KCTD8: variants seen among roughly 807,000 people sequenced by gnomAD.
KCTD8 encodes the protein BTB/POZ domain-containing protein KCTD8.
A neutral mutation model predicts 31.5 loss-of-function variants in KCTD8; 27 were observed. That is an observed-to-expected ratio of 0.86 (90% CI 0.63 to 1.18). The LOEUF (loss-of-function observed/expected upper bound fraction) is 1.18. Among genes scored for constraint, KCTD8 ranks in the 50% most tolerant of loss-of-function variants. KCTD8 has a pLI of 0.00. For missense variants in KCTD8, 658 were observed against 647.7 expected (o/e 1.02, Z -0.17); for synonymous variants, 290 against 280.0 (o/e 1.04, Z -0.36).
intron 1 of KCTD8, among the ~76,000 whole-genome samples, chr4:44,421,098 G>C (rs1721198329): frequency 6.6e-6 from 1 of 152,092 alleles, no homozygotes; most frequent in African/African-American, 2.4e-5. Context: ...AACAGCATAA[G>C]TGGGTTTTTC....
intron 1 of KCTD8, among the ~76,000 whole-genome samples, chr4:44,268,071 C>G (rs1716446900): frequency 6.6e-6 from 1 of 152,170 alleles, no homozygotes; most frequent in African/African-American, 2.4e-5. Context: ...GATTCCAAAG[C>G]CTGGCAGAGA....
chr4:44,182,916 C>T (rs908318420), intron 1 of KCTD8, among the ~76,000 whole-genome samples: 1 of 152,200 alleles, frequency 6.6e-6, no homozygotes, highest in Non-Finnish European at 1.5e-5. Context: ...AATTACCTAA[C>T]ATATATATTA....
At position 44,417,532 on chromosome 4, in the gene KCTD8, A is replaced by C. The variant is rs551897074; in HGVS notation, c.961+30031T>G. On this transcript the variant is annotated intron_variant, in intron 1 of 1. Coordinates refer to ENST00000360029, the MANE Select transcript of KCTD8 (RefSeq NM_198353.3). The stretch of plus-strand genomic sequence containing the variant: ...TCCTGGTTAGATTATACAACTATTT[A>C]AAGAAAGAAATCATTTCTTACTTGA... Among the ~76,000 whole-genome samples the C allele has an allele frequency of 6.3e-4, 96 of 151,986 alleles. 1 individual carries two copies. Among genetic ancestry groups the C allele is most frequent in the Admixed American group, 5.6e-3 (86 of 15,254 alleles).
chr4:44,337,678 A>AATATATATATAT (rs1281183251), intron 1 of KCTD8, among the ~76,000 whole-genome samples: 2 of 122,416 alleles, frequency 1.6e-5, no homozygotes, highest in African/African-American at 6.4e-5. Flanking sequence ...GATCTCAAAA[A>AATATATATATAT]ATATATATAT....
At chr4:44,219,100 T>A (rs1714734145) in intron 1 of KCTD8, among the ~76,000 whole-genome samples, 1 of 152,188 alleles carries the variant, frequency 6.6e-6, no homozygotes, top group Non-Finnish European at 1.5e-5. Flanking sequence ...TCTGAAAATA[T>A]CCTTGGTGGG....
At chr4:44,278,936 C>T (rs77217464) in intron 1 of KCTD8, among the ~76,000 whole-genome samples, 3,049 of 152,070 alleles carry the variant, frequency 0.02, 37 homozygotes, top group Non-Finnish European at 0.032. Flanking sequence ...ATTTTTATTT[C>T]TTGCACTCTT....
chr4:44,176,605 A>G (rs1398179836), intron 1 of KCTD8, among the ~76,000 whole-genome samples: 1 of 152,218 alleles, frequency 6.6e-6, no homozygotes, highest in African/African-American at 2.4e-5. Context: ...TTCTATTCAA[A>G]AATTAGAAGA....
intron 1 of KCTD8, among the ~76,000 whole-genome samples, chr4:44,224,790 T>C (rs1714904278): frequency 1.3e-5 from 2 of 152,296 alleles, no homozygotes; most frequent in South Asian, 4.1e-4. Flanking sequence ...ATAGTGAGTA[T>C]GGTGGTCTGC....
chr4:44,239,755 A>G (rs1715396584), intron 1 of KCTD8, among the ~76,000 whole-genome samples: 1 of 152,160 alleles, frequency 6.6e-6, no homozygotes, highest in East Asian at 1.9e-4. Context: ...TTTATAACTC[A>G]TCTTTACCAT....
intron 1 of KCTD8, among the ~76,000 whole-genome samples, chr4:44,338,455 C>T (rs1718812273): frequency 6.6e-6 from 1 of 152,094 alleles, no homozygotes; most frequent in Admixed American, 6.5e-5. Flanking sequence ...GAACAAATCA[C>T]CTAGATGCAT....
chr4:44,390,803 A>T (rs2109449948), intron 1 of KCTD8, among the ~76,000 whole-genome samples: 1 of 152,104 alleles, frequency 6.6e-6, no homozygotes, highest in Non-Finnish European at 1.5e-5. Flanking sequence ...ATAGGCATTG[A>T]TGTGGTGAAA....
chr4:44,409,438 C>T (rs1720899060), intron 1 of KCTD8, among the ~76,000 whole-genome samples: 1 of 151,914 alleles, frequency 6.6e-6, no homozygotes, highest in African/African-American at 2.4e-5. Context: ...AAAAACCAGC[C>T]CCAGACTCGA....
At chr4:44,207,809 T>C (rs1035015726) in intron 1 of KCTD8, among the ~76,000 whole-genome samples, 1 of 152,198 alleles carries the variant, frequency 6.6e-6, no homozygotes, top group Non-Finnish European at 1.5e-5. Context: ...AAAAACATAC[T>C]GTTTTCTCTA....
At chr4:44,392,075 C>G (rs916299395) in intron 1 of KCTD8, among the ~76,000 whole-genome samples, 23 of 151,964 alleles carry the variant, frequency 1.5e-4, no homozygotes, top group African/African-American at 5.3e-4. Context: ...AGAGGACAAA[C>G]TTTTGGTCAA....
intron 1 of KCTD8, among the ~76,000 whole-genome samples, chr4:44,352,942 T>C (rs1053005156): frequency 6.6e-6 from 1 of 152,094 alleles, no homozygotes; most frequent in Non-Finnish European, 1.5e-5. Flanking sequence ...GCTATAGACA[T>C]TTGTTGTTAT....
chr4:44,303,820 A>C (rs1250750874), intron 1 of KCTD8, among the ~76,000 whole-genome samples: 1 of 152,066 alleles, frequency 6.6e-6, no homozygotes, highest in Non-Finnish European at 1.5e-5. Context: ...CTGAGAAAAA[A>C]AAAATGAAAA....
chr4:44,413,269 A>C (rs1721000719), intron 1 of KCTD8, among the ~76,000 whole-genome samples: 1 of 152,232 alleles, frequency 6.6e-6, no homozygotes, highest in South Asian at 2.1e-4. Context: ...AGAATTTGTT[A>C]AAATTTAAGA....
At chr4:44,324,695 A>G (rs1718397091) in intron 1 of KCTD8, among the ~76,000 whole-genome samples, 1 of 152,054 alleles carries the variant, frequency 6.6e-6, no homozygotes, top group East Asian at 1.9e-4. Flanking sequence ...TTTTAGGAAT[A>G]AAGATTCTTC....
In KCTD8 at chr4:44,351,020, A is replaced by G. The variant is rs539453608; in HGVS notation, c.961+96543T>C. On this transcript the variant is annotated intron_variant, in intron 1 of 1. Transcript: ENST00000360029. ...CTCAATATGTCAATTTTATTCAGATATATTTCCAAATTTAGATCCTCGGCT... is the reference window on the plus strand; with the variant it reads ...CTCAATATGTCAATTTTATTCAGATGTATTTCCAAATTTAGATCCTCGGCT... 5.3e-5 allele frequency among the ~76,000 whole-genome samples: 8 copies of G among 152,248 alleles called. No homozygotes were observed. The South Asian group carries it at 1.7e-3, about 32-fold the overall frequency.
Sources: allele counts gnomAD v4.1 joint callset (sites outside exome capture counted in the v4.1 genomes callset), GRCh38; gene constraint gnomAD v4.1.1; transcripts MANE v1.5; gene names NCBI Gene and HGNC (gene_info 2026-07-23, HGNC 2026-07-21).